The following CHN2 variants were observed in gnomAD, a reference collection of about 807,000 sequenced individuals.
CHN2 encodes the protein beta-chimaerin.
Under a neutral mutation model 56.3 loss-of-function variants are expected in CHN2, and 35 were observed. The ratio of observed to expected loss-of-function variants is 0.62; its 90% CI spans 0.47 to 0.82. CHN2 has a LOEUF of 0.82. Among genes scored for constraint, CHN2 ranks in the 40% least tolerant of loss-of-function variants. CHN2 has a pLI of 0.00. For missense variants in CHN2, 491 were observed against 580.5 expected (o/e 0.85, Z 1.58); for synonymous variants, 210 against 212.8 (o/e 0.99, Z 0.12).
intron 2 of CHN2, among the ~76,000 whole-genome samples, chr7:29,168,178 C>T (rs1475084328): frequency 2.0e-5 from 3 of 152,140 alleles, no homozygotes; most frequent in Non-Finnish European, 2.9e-5. Context: ...CATCTTCTGA[C>T]GTTTGGTCTG....
chr7:29,497,913 T>A (rs1183140098), intron 8 of CHN2, among the ~76,000 whole-genome samples: 1 of 151,926 alleles, frequency 6.6e-6, no homozygotes, highest in Non-Finnish European at 1.5e-5. Flanking sequence ...AGATGGGGAG[T>A]TATATTGTTT....
chr7:29,252,581 T>A (rs1366832947), intron 1 of CHN2, among the ~76,000 whole-genome samples: 1 of 16,458 alleles, frequency 6.1e-5, no homozygotes, highest in Non-Finnish European at 9.1e-5. Flanking sequence ...ATTCTTTGTT[T>A]TTTTTTTTTT....
chr7:29,456,370 G>A (rs868577656), intron 6 of CHN2, among the ~76,000 whole-genome samples: 10 of 152,262 alleles, frequency 6.6e-5, no homozygotes, highest in Non-Finnish European at 1.0e-4. Flanking sequence ...TGTGTTAGAC[G>A]TCATTAGCTG....
Position 29,373,330 on chromosome 7 carries a change from C to T in CHN2, c.144+5343C>T, listed in dbSNP as rs114857860. ...TGGCAGGGATTACAGGTGTACCCCA[C>T]TGCACCTGGCTCATTTTTTTTTTAA... On this transcript the variant is annotated intron_variant, in intron 3 of 12. Transcript: ENST00000222792. Among the ~76,000 whole-genome samples, 503 of 152,234 alleles carry T rather than the reference C, an allele frequency of 3.3e-3. 4 individuals are homozygous for T. Among genetic ancestry groups the T allele is most frequent in the African/African-American group, 0.012 (486 of 41,516 alleles).
intron 6 of CHN2, among the ~76,000 whole-genome samples, chr7:29,427,791 G>A (rs1805031240): frequency 6.6e-6 from 1 of 151,694 alleles, no homozygotes; most frequent in Non-Finnish European, 1.5e-5. Context: ...TGAGTAGCTG[G>A]GACTACAGGC....
intron 1 of CHN2, among the ~76,000 whole-genome samples, chr7:29,331,999 G>C (rs1451455083): frequency 7.3e-6 from 1 of 137,404 alleles, no homozygotes; most frequent in African/African-American, 2.7e-5. Flanking sequence ...GCAACAGAGC[G>C]AGACTCTGTC....
intron 3 of CHN2, among the ~76,000 whole-genome samples, chr7:29,381,500 T>C (rs912272914): frequency 2.0e-5 from 3 of 152,024 alleles, no homozygotes; most frequent in African/African-American, 7.2e-5. Flanking sequence ...GAAGAAGGGC[T>C]GGATAGAGGA....
chr7:29,509,005 C>T (rs553364055), intron 11 of CHN2, among the ~76,000 whole-genome samples: 6 of 152,188 alleles, frequency 3.9e-5, no homozygotes, highest in Admixed American at 3.3e-4. Context: ...GCATAGTCTG[C>T]ACATATGCTC....
At chr7:29,245,667 A>G (rs1426609444) in intron 1 of CHN2, among the ~76,000 whole-genome samples, 8 of 152,242 alleles carry the variant, frequency 5.3e-5, no homozygotes, top group African/African-American at 1.9e-4. Context: ...CCAAAGCCAC[A>G]CAGCCAGTAC....
chr7:29,164,821 A>G (rs1204659449), intron 2 of CHN2, among the ~76,000 whole-genome samples: 5 of 150,112 alleles, frequency 3.3e-5, no homozygotes, highest in Non-Finnish European at 5.9e-5. Context: ...TTATTTCTTC[A>G]CCCAGTTTCC....
intron 1 of CHN2, among the ~76,000 whole-genome samples, chr7:29,291,285 C>T (rs186395721): frequency 1.3e-5 from 2 of 152,226 alleles, no homozygotes; most frequent in Non-Finnish European, 2.9e-5. Flanking sequence ...TATTGGGAGC[C>T]AGCCGTTCCC....
Position 29,437,337 on chromosome 7 carries a change from G to A in CHN2, c.576+36509G>A, listed in dbSNP as rs1275070052. Among the ~76,000 whole-genome samples the A allele has an allele frequency of 8.3e-5, 7 of 84,658 alleles. 1 individual carries two copies. Among genetic ancestry groups the A allele is most frequent in the African/African-American group, 5.2e-4 (7 of 13,524 alleles). 55.5% of individuals were successfully genotyped at this position (84,658 alleles called of 152,430 possible). ...AAACCGGCTGGGCGCGGTGGCTCAC[G>A]CCTGTAATCCCAGCACTTTGGGAGG... On this transcript the variant is annotated intron_variant, in intron 6 of 12. Transcript: ENST00000222792.
chr7:29,149,464 G>T (rs537344456), intron 2 of CHN2, among the ~76,000 whole-genome samples: 38 of 152,144 alleles, frequency 2.5e-4, no homozygotes, highest in African/African-American at 9.2e-4. Context: ...AAAGTGCTGG[G>T]ATTACAGGTG....
chr7:29,285,807 T>C (rs1480642941), intron 1 of CHN2, among the ~76,000 whole-genome samples: 1 of 152,198 alleles, frequency 6.6e-6, no homozygotes, highest in African/African-American at 2.4e-5. Context: ...CAACTCTCAA[T>C]TGGACAAATA....
intron 6 of CHN2, chr7:29,480,021 C>T (rs1217174618): frequency 6.6e-7 from 1 of 1,514,778 alleles, no homozygotes; most frequent in Non-Finnish European, 8.9e-7. Flanking sequence ...AAATCTGCCG[C>T]CTAACATAAG....
chr7:29,298,268 T>C (rs561933451), intron 1 of CHN2, among the ~76,000 whole-genome samples: 8 of 152,306 alleles, frequency 5.3e-5, no homozygotes, highest in Non-Finnish European at 1.0e-4. Context: ...CCATGCTCAC[T>C]TGTGCTCTGT....
At chr7:29,175,974 C>G (rs1008733515) in intron 2 of CHN2, among the ~76,000 whole-genome samples, 27 of 152,168 alleles carry the variant, frequency 1.8e-4, no homozygotes, top group African/African-American at 6.3e-4. Context: ...ATCACAAGGT[C>G]AGGAGATCAA....
intron 1 of CHN2, among the ~76,000 whole-genome samples, chr7:29,302,253 G>A (rs1275283963): frequency 7.0e-6 from 1 of 142,732 alleles, no homozygotes; most frequent in Non-Finnish European, 1.5e-5. Context: ...TGCTTCTTCT[G>A]CTGCTGCTTC....
intron 6 of CHN2, among the ~76,000 whole-genome samples, chr7:29,469,388 G>C (rs1785838411): frequency 1.3e-5 from 2 of 152,186 alleles, no homozygotes; most frequent in African/African-American, 4.8e-5. Context: ...TGATACCACA[G>C]CTCTGTTCAG....
Sources: gnomAD v4.1 joint callset for allele counts (sites outside exome capture counted in the v4.1 genomes callset) on GRCh38, gnomAD v4.1.1 for gene constraint, MANE v1.5 for transcripts, NCBI Gene and HGNC (gene_info 2026-07-23, HGNC 2026-07-21) for gene names.